LRP2: variants seen among roughly 807,000 people sequenced by gnomAD.
The protein encoded by LRP2 is low-density lipoprotein receptor-related protein 2.
LRP2 carries 172 observed loss-of-function variants against 531.0 expected under a neutral mutation model. That is an observed-to-expected ratio of 0.32 (90% CI 0.29 to 0.37). The LOEUF (loss-of-function observed/expected upper bound fraction) is 0.37. LRP2 is among the 10% of genes least tolerant of loss of function. The probability of loss-of-function intolerance (pLI) is 1.00; values close to 1 mark genes in which losing one functional copy is unlikely to be tolerated. For synonymous variants in LRP2, 1,992 were observed against 2,027.6 expected (o/e 0.98, Z 0.47); for missense variants, 5,167 against 5,868.3 (o/e 0.88, Z 3.90).
At chr2:169,299,151 GAA>G (rs761081103) in intron 4 of LRP2, among the ~76,000 whole-genome samples, 5,454 of 32,928 alleles carry the variant, frequency 0.17, 656 homozygotes, top group East Asian at 0.26. Context: ...AAGAAAGAAA[GAA>G]AGAAAAAAAG....
In LRP2 at chr2:169,150,983, C is replaced by A. The variant is rs988776559; in HGVS notation, c.12505G>T (p.Ala4169Ser). 4 of 1,614,036 alleles carry A rather than the reference C, an allele frequency of 2.5e-6. No individual in the cohort carries two copies. Among genetic ancestry groups the A allele is most frequent in the East Asian group, 2.2e-5 (1 of 44,878 alleles). The change falls in exon 68 of 79, where the codon GCT becomes TCT. Residue 4169 changes from alanine (A) to serine (S), a missense_variant. Physicochemically the swap from Ala to Ser is moderately conservative, Grantham distance 99. Transcript: ENST00000649046. ...TTTCTGTACCTTCCATCAAGTTTAG[C>A]CACCTCAATGCGTTTATTCTTGACA... is the stretch of plus-strand genomic sequence containing the variant. ...SDVKNKRIEV[A>S]KLDGRYRKWL...
chr2:169,176,829 T>C (rs1220932035), intron 53 of LRP2, among the ~76,000 whole-genome samples: 2 of 152,216 alleles, frequency 1.3e-5, no homozygotes, highest in Non-Finnish European at 2.9e-5. Flanking sequence ...CCCACTGGTG[T>C]TTCTGACTAG....
chr2:169,307,899 A>G (rs920836872), intron 3 of LRP2, among the ~76,000 whole-genome samples: 1 of 152,184 alleles, frequency 6.6e-6, no homozygotes, highest in African/African-American at 2.4e-5. Context: ...AAGAGAAAAA[A>G]ATTTAAGCTA....
intron 16 of LRP2, among the ~76,000 whole-genome samples, chr2:169,268,950 A>T (rs1350464068): frequency 6.6e-6 from 1 of 152,162 alleles, no homozygotes; most frequent in Admixed American, 6.5e-5. Flanking sequence ...GCATTCCTAT[A>T]CACCAATAAC....
intron 63 of LRP2, among the ~76,000 whole-genome samples, chr2:169,161,472 T>C (rs1044098702): frequency 6.6e-6 from 1 of 151,878 alleles, no homozygotes; most frequent in African/African-American, 2.4e-5. Context: ...TTTTGTTTGA[T>C]TGTTTGTTTG....
At chr2:169,299,305 T>G (rs1447531761) in intron 4 of LRP2, among the ~76,000 whole-genome samples, 3 of 151,950 alleles carry the variant, frequency 2.0e-5, no homozygotes, top group African/African-American at 7.2e-5. Context: ...AAAAGAGAAA[T>G]AAACTAAGTT....
intron 34 of LRP2, among the ~76,000 whole-genome samples, chr2:169,218,602 C>T (rs1688878550): frequency 6.6e-6 from 1 of 152,110 alleles, no homozygotes; most frequent in Non-Finnish European, 1.5e-5. Flanking sequence ...AAAGAGACTG[C>T]CTCCACTTGC....
intron 1 of LRP2, 93 bp downstream of exon 1, chr2:169,362,228 C>G (rs1686187287): frequency 1.8e-6 from 2 of 1,137,902 alleles, no homozygotes; most frequent in South Asian, 3.0e-5. Flanking sequence ...CTAGCCCCTG[C>G]CCGGACGCTC....
chr2:169,213,001 A>AG lies in LRP2; in HGVS notation c.6040+655_6040+656insC, dbSNP rs886164996. ...TGTTTCTTTCACATGCAGTTAAAAA[A>AG]ATACCTAGTGACAAACTTAGGTTAT... On this transcript the variant is annotated intron_variant, in intron 36 of 78. Coordinates refer to ENST00000649046, the MANE Select transcript of LRP2 (RefSeq NM_004525.3). Among the ~76,000 whole-genome samples, 201 of 152,136 alleles carry AG rather than the reference A, an allele frequency of 1.3e-3. 1 individual carries two copies. Among genetic ancestry groups the AG allele is most frequent in the Admixed American group, 5.0e-3 (76 of 15,280 alleles).
chr2:169,138,660 A>C lies in LRP2; in HGVS notation c.13435T>G (p.Phe4479Val). Residue 4479 changes from phenylalanine to valine, a missense_variant, in exon 75 of 79, where the codon TTC (phenylalanine) becomes GTC (valine). Around this residue, in one of 6 missense-constraint regions of LRP2, gnomAD observed 348 missense variants for 369.3 expected, o/e 0.94. Transcript: ENST00000649046. ...KPSENGNGVTFRSGADLNMDI... is the reference protein window; with the variant it reads ...KPSENGNGVTVRSGADLNMDI... Reference sequence around the variant, plus strand: ...ATGTTAAGATCTGCCCCTGATCTGAAGGTCACCCCATTCCCATTTTCAGAG... The same window carrying C: ...ATGTTAAGATCTGCCCCTGATCTGACGGTCACCCCATTCCCATTTTCAGAG... The C allele has an allele frequency of 1.2e-6, 2 of 1,614,094 alleles. No individual in the cohort carries two copies. The highest frequency in any genetic ancestry group is 1.7e-6 in the Non-Finnish European group (2 of 1,179,956).
chr2:169,162,035 C>T (rs927607358), intron 63 of LRP2, among the ~76,000 whole-genome samples: 1 of 152,080 alleles, frequency 6.6e-6, no homozygotes, highest in Non-Finnish European at 1.5e-5. Flanking sequence ...TAATGCTATC[C>T]CTCCCCCATC....
intron 47 of LRP2, among the ~76,000 whole-genome samples, chr2:169,193,126 G>T (rs774191602): frequency 6.6e-6 from 1 of 152,136 alleles, no homozygotes; most frequent in Non-Finnish European, 1.5e-5. Flanking sequence ...TGTGAAGGTT[G>T]CTATTAAGAG....
In LRP2 at chr2:169,181,509, T is replaced by C. The variant is rs1381322865; in HGVS notation, c.10108A>G (p.Ile3370Val). 1.9e-6 allele frequency: 3 copies of C among 1,614,138 alleles called. No homozygotes were observed. ...AGATCATTGGTGTAATCAATGGTGA[T>C]GCCATTAGGCCACTCTAACTTGGTG... ...ISTKLEWPNG[I>V]TIDYTNDLLY... Residue 3370 changes from isoleucine to valine, a missense_variant, in exon 52 of 79, where the codon ATC becomes GTC. By Grantham distance (29) the Ile-to-Val change is conservative. This residue lies in a region of LRP2 where 1,129 missense variants were observed against 1,362.7 expected (regional missense o/e 0.83). Coordinates refer to ENST00000649046, the MANE Select transcript of LRP2 (RefSeq NM_004525.3).
At chr2:169,209,342 T>A (rs185283126) in intron 38 of LRP2, 111 bp downstream of exon 38, 2 of 973,554 alleles carry the variant, frequency 2.1e-6, no homozygotes, top group East Asian at 2.4e-5. Context: ...ATGGTCTTAA[T>A]AATTGTCTAG....
chr2:169,317,525 TTC>T (rs974528251), intron 3 of LRP2, among the ~76,000 whole-genome samples: 1 of 152,170 alleles, frequency 6.6e-6, no homozygotes, highest in African/African-American at 2.4e-5. Context: ...TGGATAATAT[TTC>T]TGAGCTGGGA....
At chr2:169,154,722 A>C (rs574204026) in intron 65 of LRP2, 119 bp from the exon 66 acceptor site, 1 of 877,192 alleles carries the variant, frequency 1.1e-6, no homozygotes, top group Admixed American at 1.9e-5. Flanking sequence ...TTTTATAGGA[A>C]TCTGACTATC....
chr2:169,327,132 G>T (rs1316555762), intron 1 of LRP2, among the ~76,000 whole-genome samples: 1 of 144,088 alleles, frequency 6.9e-6, no homozygotes, highest in Non-Finnish European at 1.6e-5. Flanking sequence ...CGGGAGGGAG[G>T]TGGGGGGGTC....
intron 24 of LRP2, among the ~76,000 whole-genome samples, 176 bp downstream of exon 24, chr2:169,242,780 A>G (rs1442829917): frequency 6.6e-6 from 1 of 152,238 alleles, no homozygotes; most frequent in Non-Finnish European, 1.5e-5. Context: ...TTTGTTAATT[A>G]CACATTATAT....
chr2:169,138,396 C>A (rs900738916), intron 75 of LRP2, among the ~76,000 whole-genome samples, 181 bp downstream of exon 75: 20 of 152,262 alleles, frequency 1.3e-4, no homozygotes, highest in Admixed American at 1.2e-3. Context: ...AATGTTATTA[C>A]CAATGTTTTT....
Sources: gnomAD v4.1 joint callset for allele counts (sites outside exome capture counted in the v4.1 genomes callset) on GRCh38, gnomAD v4.1.1 for gene constraint, gnomAD v4.1.1 regional missense constraint, MANE v1.5 for transcripts, NCBI Gene and HGNC (gene_info 2026-07-23, HGNC 2026-07-21) for gene names.